COL15A1: variants seen among roughly 807,000 people sequenced by gnomAD.
The protein encoded by COL15A1 is collagen alpha-1(XV) chain.
In COL15A1, 111 loss-of-function variants were observed where a neutral mutation model predicts 165.9. The ratio of observed to expected loss-of-function variants is 0.67; its 90% CI spans 0.57 to 0.78. COL15A1 has a LOEUF of 0.78. Ranked by LOEUF, COL15A1 falls within the 30% of genes least tolerant of loss-of-function variation. The pLI is 0.00. For missense variants in COL15A1, 1,745 were observed against 1,789.7 expected, an observed-to-expected ratio of 0.98 and a Z score of 0.45; for synonymous variants, 659 against 674.8, an observed-to-expected ratio of 0.98 and a Z score of 0.36.
chr9:99,044,790 A>G lies in COL15A1; in HGVS notation c.2679+20A>G. 1 of 1,609,804 alleles carries G rather than the reference A, an allele frequency of 6.2e-7. No individual in the cohort carries two copies. Among genetic ancestry groups the G allele is most frequent in the Non-Finnish European group, 8.5e-7 (1 of 1,176,136 alleles). Reference sequence around the variant, plus strand: ...CCAATGGTAAGTCAGAGCGTCTCTCAGCTGGATCTGGGCTGGGGTTTGAAG... The same window carrying G: ...CCAATGGTAAGTCAGAGCGTCTCTCGGCTGGATCTGGGCTGGGGTTTGAAG... On this transcript the variant is annotated intron_variant, in intron 26 of 41. Coordinates refer to ENST00000375001, the MANE Select transcript of COL15A1 (RefSeq NM_001855.5).
At position 99,020,665 on chromosome 9, in the gene COL15A1, C is replaced by T. The variant is rs528169770; in HGVS notation, c.1701+223C>T. ...ACCACCTGGTGACCGTGGCCAAGTCCCTTGACCTCCGTGGGCCTTGGCTTC... is the reference window on the plus strand; with the variant it reads ...ACCACCTGGTGACCGTGGCCAAGTCTCTTGACCTCCGTGGGCCTTGGCTTC... On this transcript the variant is annotated intron_variant, in intron 12 of 41. Transcript: ENST00000375001. Among the ~76,000 whole-genome samples, 16 of 152,310 alleles carry T rather than the reference C, an allele frequency of 1.1e-4. No homozygotes were observed. The South Asian group carries it at 3.1e-3, about 30-fold the overall frequency.
In COL15A1 at chr9:99,043,586, G is replaced by A. The variant is rs974213405; in HGVS notation, c.2575-982G>A. Among the ~76,000 whole-genome samples the A allele has an allele frequency of 6.6e-5, 10 of 152,076 alleles. No individual in the cohort carries two copies. In the East Asian group the frequency reaches 9.6e-4, roughly 15 times the overall value. ...GTGCTTGCTTCTTCTCCCTGCTGGC[G>A]TGCTCAGGACTACCTTTCCTCATCA... is the stretch of plus-strand genomic sequence containing the variant. On this transcript the variant is annotated intron_variant, in intron 24 of 41. Transcript: ENST00000375001.
intron 2 of COL15A1, among the ~76,000 whole-genome samples, chr9:98,967,009 A>G (rs182094414): frequency 6.6e-6 from 1 of 152,330 alleles, no homozygotes; most frequent in Admixed American, 6.5e-5. Context: ...TTATTTGTAC[A>G]TTCATTCGTT....
chr9:98,982,850 C>T (rs1479297799), intron 2 of COL15A1, among the ~76,000 whole-genome samples: 3 of 152,000 alleles, frequency 2.0e-5, no homozygotes, highest in African/African-American at 7.2e-5. Flanking sequence ...CCCAGGCTGG[C>T]CTTGAACTCC....
Position 99,055,371 on chromosome 9 carries a change from C to G in COL15A1, c.3191C>G (p.Ala1064Gly). 1 of 1,597,848 alleles carries G rather than the reference C, an allele frequency of 6.3e-7. No individual in the cohort carries two copies. Among genetic ancestry groups the G allele is most frequent in the South Asian group, 1.1e-5 (1 of 90,752 alleles). The change falls in exon 34 of 42, where the codon GCT becomes GGT. Residue 1064 changes from alanine to glycine, a missense_variant and splice_region_variant. Physicochemically the swap from Ala to Gly is moderately conservative, Grantham distance 60. Transcript: ENST00000375001. The stretch of plus-strand genomic sequence containing the variant: ...GGCCTGCCCGGAAATCCAGGCCCGG[C>G]TGTGAGTAGAGACCCCTCCAAGTCA... ...PPGLPGNPGPAGQKGETVVGP... is the reference protein window; with the variant it reads ...PPGLPGNPGPGGQKGETVVGP...
rs368521015 is a variant in COL15A1, at chr9:99,006,364, A to G, written c.1353+1314A>G. On this transcript the variant is annotated intron_variant, in intron 9 of 41. Transcript: ENST00000375001. Reference sequence around the variant, plus strand: ...ATTCCTGACCAATGATAGGCACTGAATGAGTATCTGCTGAGTGAGTGAATG... The same window carrying G: ...ATTCCTGACCAATGATAGGCACTGAGTGAGTATCTGCTGAGTGAGTGAATG... 1.3e-4 allele frequency among the ~76,000 whole-genome samples: 20 copies of G among 152,368 alleles called. No homozygotes were observed. In the East Asian group the frequency reaches 1.9e-3, roughly 15 times the overall value.
Position 99,035,120 on chromosome 9 carries a change from C to G in COL15A1, c.2186C>G (p.Pro729Arg). ...PPGPPGPPGP[P>R]GPGCTMGLGF... is the part of the protein sequence containing the mutation. ...GGGCCTCCTGGACCCCCTGGGCCCC[C>G]AGGCCCTGGATGCACAATGGGACTT... The change falls in exon 18 of 42, where the codon CCA becomes CGA. Residue 729 changes from proline (P) to arginine (R), a missense_variant. Transcript: ENST00000375001. The G allele has an allele frequency of 6.2e-7, 1 of 1,603,224 alleles. No homozygotes were observed. The highest frequency in any genetic ancestry group is 8.5e-7 in the Non-Finnish European group (1 of 1,175,702).
intron 28 of COL15A1, 141 bp from the exon 29 acceptor site, chr9:99,049,549 G>C: frequency 1.0e-6 from 1 of 964,196 alleles, no homozygotes; most frequent in Admixed American, 2.3e-5. Flanking sequence ...GAAGTGCTCT[G>C]TGGCTCCCTG....
At chr9:98,991,583 T>G (rs1045682141) in intron 5 of COL15A1, among the ~76,000 whole-genome samples, 1 of 152,040 alleles carries the variant, frequency 6.6e-6, no homozygotes, top group Non-Finnish European at 1.5e-5. Context: ...GTTCTCCAAG[T>G]CCCCACTAGA....
Position 99,052,311 on chromosome 9 carries a change from C to G in COL15A1, c.2905-77C>G, listed in dbSNP as rs544011858. On this transcript the variant is annotated intron_variant, in intron 30 of 41. Transcript: ENST00000375001. Reference sequence around the variant, plus strand: ...CATTGCCTCTTTTGTCACATGCCCCCGGGACAGTGGCTGCCTGTTTCTGCA... The same window carrying G: ...CATTGCCTCTTTTGTCACATGCCCCGGGGACAGTGGCTGCCTGTTTCTGCA... 71 of 1,084,224 alleles carry G rather than the reference C, an allele frequency of 6.5e-5. No homozygotes were observed. The African/African-American group carries it at 9.3e-4, about 14-fold the overall frequency. 67.2% of individuals were successfully genotyped at this position (1,084,224 alleles called of 1,614,324 possible).
intron 2 of COL15A1, among the ~76,000 whole-genome samples, chr9:98,967,954 A>G (rs882728): frequency 0.19 from 29,567 of 152,058 alleles, 3,325 homozygotes; most frequent in Middle Eastern, 0.32. Flanking sequence ...GTAGGTCTCG[A>G]GAATCTGCAT....
At chr9:99,028,369 C>G (rs1839163486) in intron 16 of COL15A1, among the ~76,000 whole-genome samples, 1 of 152,050 alleles carries the variant, frequency 6.6e-6, no homozygotes, top group Admixed American at 6.6e-5. Context: ...AATGATATAA[C>G]AGGCTGGGTG....
intron 22 of COL15A1, among the ~76,000 whole-genome samples, chr9:99,039,435 G>T (rs965232546): frequency 3.3e-5 from 5 of 152,186 alleles, no homozygotes; most frequent in Non-Finnish European, 7.4e-5. Context: ...CTTGAACCTG[G>T]GAGGCGGAGG....
intron 7 of COL15A1, among the ~76,000 whole-genome samples, 185 bp downstream of exon 7, chr9:99,001,136 G>A (rs1325927562): frequency 1.3e-5 from 2 of 152,136 alleles, no homozygotes; most frequent in Non-Finnish European, 2.9e-5. Flanking sequence ...GGCTCTCCAG[G>A]GATGCACAGG....
chr9:98,969,465 C>G (rs1372619245), intron 2 of COL15A1, among the ~76,000 whole-genome samples: 3 of 152,192 alleles, frequency 2.0e-5, no homozygotes, highest in Non-Finnish European at 4.4e-5. Context: ...CTCCCTAATA[C>G]CAGGTTGCTC....
At chr9:99,052,790 A>G (rs555599396) in intron 31 of COL15A1, among the ~76,000 whole-genome samples, 8 of 152,262 alleles carry the variant, frequency 5.3e-5, no homozygotes, top group African/African-American at 1.9e-4. Flanking sequence ...CCTGCCTCTC[A>G]GGCTCTTGGA....
chr9:99,035,380 T>C lies in COL15A1; in HGVS notation c.2251T>C (p.Leu751=), dbSNP rs1839283412. ...DTEGSGSTQL[L]NEPKLSRPTA... is the part of the protein sequence containing the mutation. ...CGAAGGCTCTGGAAGCACCCAGCTA[T>C]TGAATGAACCCAAACTCTCCAGACC... The change falls in exon 19 of 42, where the codon TTG becomes CTG. Residue 751 remains leucine, a synonymous_variant. Transcript: ENST00000375001. 2.5e-6 allele frequency: 4 copies of C among 1,614,192 alleles called. No individual in the cohort carries two copies. The highest frequency in any genetic ancestry group is 3.4e-6 in the Non-Finnish European group (4 of 1,180,036).
chr9:99,029,879 C>T (rs552603834), intron 16 of COL15A1, among the ~76,000 whole-genome samples: 83 of 151,132 alleles, frequency 5.5e-4, no homozygotes, highest in Middle Eastern at 3.5e-3. Flanking sequence ...GAGCCGAGAT[C>T]GTGCCATTGC....
At chr9:98,981,238 A>T (rs1272949782) in intron 2 of COL15A1, among the ~76,000 whole-genome samples, 1 of 152,204 alleles carries the variant, frequency 6.6e-6, no homozygotes, top group African/African-American at 2.4e-5. Flanking sequence ...TGGGCGGATC[A>T]CCTGAGGTCA....
Sources: allele counts gnomAD v4.1 joint callset (sites outside exome capture counted in the v4.1 genomes callset), GRCh38; gene constraint gnomAD v4.1.1; transcripts MANE v1.5; gene names NCBI Gene and HGNC (gene_info 2026-07-23, HGNC 2026-07-21).